RIMS2: variants seen among roughly 807,000 people sequenced by gnomAD.
RIMS2 encodes regulating synaptic membrane exocytosis protein 2.
In RIMS2, 59 loss-of-function variants were observed where a neutral mutation model predicts 174.4. That is an observed-to-expected ratio of 0.34 (90% confidence interval 0.27 to 0.42). RIMS2 has a LOEUF of 0.42. Ranked by LOEUF, RIMS2 falls within the 10% of genes least tolerant of loss-of-function variation. The pLI is 1.00. For missense variants in RIMS2, 1,620 were observed against 1,666.3 expected, an observed-to-expected ratio of 0.97 and a Z score of 0.48; for synonymous variants, 606 against 572.5, an observed-to-expected ratio of 1.06 and a Z score of -0.84.
chr8:104,230,239 A>G (rs1231027543), intron 19 of RIMS2, among the ~76,000 whole-genome samples: 1 of 149,966 alleles, frequency 6.7e-6, no homozygotes, highest in Non-Finnish European at 1.5e-5. Context: ...AGATCACTCC[A>G]TTGCACTCCA....
chr8:103,748,400 A>G (rs77570985), intron 2 of RIMS2, among the ~76,000 whole-genome samples: 1,529 of 152,196 alleles, frequency 0.01, 21 homozygotes, highest in South Asian at 0.05. Context: ...GCCGTGATCA[A>G]TCCCACCTCT....
chr8:103,680,714 A>T (rs1177699143), intron 1 of RIMS2, among the ~76,000 whole-genome samples: 1 of 152,062 alleles, frequency 6.6e-6, no homozygotes, highest in African/African-American at 2.4e-5. Flanking sequence ...TAGGCAGTTC[A>T]TCGGAAGGGC....
At chr8:104,132,027 T>C (rs1480626614) in intron 19 of RIMS2, among the ~76,000 whole-genome samples, 2 of 152,200 alleles carry the variant, frequency 1.3e-5, no homozygotes, top group Non-Finnish European at 2.9e-5. Flanking sequence ...ATTGCATCTG[T>C]AATCTTCTAA....
At chr8:103,906,899 T>C (rs867422857) in intron 4 of RIMS2, among the ~76,000 whole-genome samples, 1 of 152,310 alleles carries the variant, frequency 6.6e-6, no homozygotes. Flanking sequence ...GTATCCCATG[T>C]ACTGGTCATC....
At chr8:103,873,888 C>T (rs557724511) in intron 3 of RIMS2, among the ~76,000 whole-genome samples, 1 of 152,118 alleles carries the variant, frequency 6.6e-6, no homozygotes, top group African/African-American at 2.4e-5. Context: ...ATTTTGGGGT[C>T]TGTCTATGTC....
chr8:103,728,748 C>CTTTTTTTTTTTTTTTTTTTTTTTTTTTT (rs71575982), intron 2 of RIMS2, among the ~76,000 whole-genome samples: 1 of 92,682 alleles, frequency 1.1e-5, no homozygotes, highest in African/African-American at 4.8e-5. Context: ...TATGCTCCTT[C>CTTTTTTTTTTTTTTTTTTTTTTTTTTTT]TTTTTTTTTT....
chr8:103,765,670 C>T (rs1053042092), intron 2 of RIMS2, among the ~76,000 whole-genome samples: 2 of 150,004 alleles, frequency 1.3e-5, no homozygotes, highest in African/African-American at 4.9e-5. Context: ...AATATAATTG[C>T]GGTTAGAATG....
intron 4 of RIMS2, among the ~76,000 whole-genome samples, chr8:103,899,740 A>G (rs2099316618): frequency 6.6e-6 from 1 of 151,564 alleles, no homozygotes; most frequent in Non-Finnish European, 1.5e-5. Flanking sequence ...CCTATTTGTC[A>G]ATTTTGGCTT....
chr8:103,887,316 T>G (rs1258474544), intron 4 of RIMS2, among the ~76,000 whole-genome samples: 1 of 151,622 alleles, frequency 6.6e-6, no homozygotes, highest in Non-Finnish European at 1.5e-5. Context: ...TTTACCCCAT[T>G]TAACTATTAT....
chr8:103,678,202 A>G (rs1334986088), intron 1 of RIMS2, among the ~76,000 whole-genome samples: 1 of 152,150 alleles, frequency 6.6e-6, no homozygotes, highest in Non-Finnish European at 1.5e-5. Context: ...ATTCAACTTT[A>G]TGTTTTTCTC....
chr8:103,750,784 A>T (rs1461174942), intron 2 of RIMS2, among the ~76,000 whole-genome samples: 1 of 152,104 alleles, frequency 6.6e-6, no homozygotes, highest in Non-Finnish European at 1.5e-5. Context: ...TTCCACCATG[A>T]TTGTAAGTTT....
chr8:103,556,953 A>G (rs948876159), intron 1 of RIMS2, among the ~76,000 whole-genome samples: 1 of 152,178 alleles, frequency 6.6e-6, no homozygotes, highest in Non-Finnish European at 1.5e-5. Flanking sequence ...CTATGGGAAT[A>G]TGCATTATAG....
chr8:104,149,553 G>GT (rs2098672147), intron 19 of RIMS2, among the ~76,000 whole-genome samples: 1 of 140,522 alleles, frequency 7.1e-6, no homozygotes, highest in South Asian at 2.6e-4. Context: ...TCAAAGCAAT[G>GT]TCTTTTTTCA....
At chr8:103,665,656 T>C (rs2096659212) in intron 1 of RIMS2, among the ~76,000 whole-genome samples, 1 of 152,238 alleles carries the variant, frequency 6.6e-6, no homozygotes, top group Non-Finnish European at 1.5e-5. Context: ...CTTAGTATTC[T>C]ACCTCACGCT....
intron 19 of RIMS2, among the ~76,000 whole-genome samples, chr8:104,202,634 C>T (rs192604788): frequency 1.1e-3 from 165 of 152,338 alleles, no homozygotes; most frequent in African/African-American, 3.9e-3. Context: ...TTTCTTGCTA[C>T]CTCTTCACAT....
intron 3 of RIMS2, among the ~76,000 whole-genome samples, chr8:103,835,106 T>TC (rs2098868021): frequency 1.4e-5 from 2 of 145,800 alleles, no homozygotes; most frequent in East Asian, 2.0e-4. Flanking sequence ...TTCTTTTCTT[T>TC]TTTTTTTTTT....
intron 9 of RIMS2, chr8:103,921,018 C>T: frequency 4.4e-6 from 1 of 227,306 alleles, no homozygotes; most frequent in Non-Finnish European, 8.7e-6. Context: ...ACAACAACAA[C>T]AACAACAACA....
rs541582932 is a variant in RIMS2, at chr8:103,752,557, A to C, written c.388-13670A>C. On this transcript the variant is annotated intron_variant, in intron 2 of 23. Coordinates refer to ENST00000504942, the Ensembl canonical transcript of RIMS2. ...TACCTTGGGCAGTGTGGCCATTTTC[A>C]CCCATGAGCATGGAATGTTCTTCCA... Among the ~76,000 whole-genome samples, 94 of 152,160 alleles carry C rather than the reference A, an allele frequency of 6.2e-4. 1 individual carries two copies. Among genetic ancestry groups the C allele is most frequent in the African/African-American group, 2.0e-3 (82 of 41,500 alleles).
chr8:103,595,358 A>G (rs1375032084), intron 1 of RIMS2, among the ~76,000 whole-genome samples: 1 of 151,876 alleles, frequency 6.6e-6, no homozygotes, highest in Non-Finnish European at 1.5e-5. Context: ...CTTATTTGCC[A>G]TAGTTACAAC....
Sources: allele counts gnomAD v4.1 joint callset (sites outside exome capture counted in the v4.1 genomes callset), GRCh38; gene constraint gnomAD v4.1.1; transcripts MANE v1.5; gene names NCBI Gene and HGNC (gene_info 2026-07-23, HGNC 2026-07-21).